The following PDE3B variants were observed in gnomAD, a reference collection of about 807,000 sequenced individuals.
PDE3B encodes phosphodiesterase 3B.
Under a neutral mutation model 116.8 loss-of-function variants are expected in PDE3B, and 66 were observed. The observed-to-expected ratio is 0.56, with a 90% CI of 0.46 to 0.69. The LOEUF (loss-of-function observed/expected upper bound fraction) is 0.69, where lower values mean the gene tolerates loss of function less well. PDE3B is among the 30% of genes least tolerant of loss of function. The pLI is 0.00. For synonymous variants in PDE3B, 595 were observed against 533.6 expected, an observed-to-expected ratio of 1.12 and a Z score of -1.59; for missense variants, 1,384 against 1,368.1, an observed-to-expected ratio of 1.01 and a Z score of -0.18.
rs1853288675 is a variant in PDE3B, at chr11:14,644,177, C to G, written c.102C>G (p.Ser34Arg). The stretch of plus-strand genomic sequence containing the variant: ...GTCTGAGGAACGGCTACGTGAAGAG[C>G]TGCGTGAGCCCCTTGCGGCAGGACC... ...PESLRNGYVK[S>R]CVSPLRQDPP... is the part of the protein sequence containing the mutation. Residue 34 changes from serine (S) to arginine (R), a missense_variant, in exon 1 of 16, where the codon AGC becomes AGG. By Grantham distance (110) the Ser-to-Arg change is moderately radical. Transcript: ENST00000282096. 2 of 1,596,684 alleles carry G rather than the reference C, an allele frequency of 1.3e-6. No individual in the cohort carries two copies. Among genetic ancestry groups the G allele is most frequent in the African/African-American group, 1.3e-5 (1 of 74,142 alleles).
intron 1 of PDE3B, among the ~76,000 whole-genome samples, chr11:14,716,066 C>T (rs911181880): frequency 1.3e-5 from 2 of 152,042 alleles, no homozygotes; most frequent in African/African-American, 2.4e-5. Context: ...GGTGTGCGCA[C>T]CGTGCGCGAG....
chr11:14,837,338 G>T (rs151241012), intron 11 of PDE3B, among the ~76,000 whole-genome samples: 1 of 152,134 alleles, frequency 6.6e-6, no homozygotes, highest in African/African-American at 2.4e-5. Context: ...CTTTGCTTAC[G>T]AGTTCTCCCC....
chr11:14,649,196 C>G (rs1243932398), intron 1 of PDE3B, among the ~76,000 whole-genome samples: 1 of 152,116 alleles, frequency 6.6e-6, no homozygotes, highest in South Asian at 2.1e-4. Context: ...CATTCTTTCT[C>G]TTTTCCCTTT....
chr11:14,650,074 C>G (rs1360477995), intron 1 of PDE3B, among the ~76,000 whole-genome samples: 6 of 151,738 alleles, frequency 4.0e-5, no homozygotes, highest in Non-Finnish European at 5.9e-5. Flanking sequence ...TCTTTTACAA[C>G]CAACAACTTT....
At chr11:14,745,921 T>G (rs1453618019) in intron 1 of PDE3B, among the ~76,000 whole-genome samples, 1 of 152,214 alleles carries the variant, frequency 6.6e-6, no homozygotes, top group East Asian at 1.9e-4. Flanking sequence ...TGATTCAGAT[T>G]CAGGTCCCTA....
At chr11:14,724,927 G>A (rs1856236894) in intron 1 of PDE3B, among the ~76,000 whole-genome samples, 1 of 152,182 alleles carries the variant, frequency 6.6e-6, no homozygotes, top group Non-Finnish European at 1.5e-5. Flanking sequence ...ATGGAATCCA[G>A]GGATATAGCA....
chr11:14,818,348 A>T lies in PDE3B; in HGVS notation c.1688A>T (p.Asp563Val). 3 of 1,613,522 alleles carry T rather than the reference A, an allele frequency of 1.9e-6. No individual in the cohort carries two copies. The highest frequency in any genetic ancestry group is 2.5e-6 in the Non-Finnish European group (3 of 1,179,526). Residue 563 changes from aspartate (D) to valine (V), a missense_variant, in exon 6 of 16, where the codon GAT (aspartate) becomes GTT (valine). Transcript: ENST00000282096. ...CTGGGCAATGCACCTAATACTCCAG[A>T]TTTTTATCAGCAACTTAGAAATTCT... ...RSLGNAPNTP[D>V]FYQQLRNSDS...
chr11:14,793,974 A>G lies in PDE3B; in HGVS notation c.1415+4732A>G, dbSNP rs578008670. Among the ~76,000 whole-genome samples, 81 of 152,352 alleles carry G rather than the reference A, an allele frequency of 5.3e-4. 1 individual carries two copies. The highest frequency in any genetic ancestry group is 1.9e-3 in the African/African-American group (80 of 41,576). Reference sequence around the variant, plus strand: ...TAACTCTGTAAATTTAGACATCTACAGTTATCAAGTTTATACAACTGCATT... The same window carrying G: ...TAACTCTGTAAATTTAGACATCTACGGTTATCAAGTTTATACAACTGCATT... On this transcript the variant is annotated intron_variant, in intron 4 of 15. Transcript: ENST00000282096.
At chr11:14,890,647 C>T in the PDE3B span, 5 of 216,064 alleles carry the variant, frequency 2.3e-5, no homozygotes, top group Non-Finnish European at 3.8e-5. Context: ...CCCGGGTTCA[C>T]GCCATTCTCC....
intron 1 of PDE3B, among the ~76,000 whole-genome samples, chr11:14,736,234 T>G (rs924132075): frequency 6.6e-6 from 1 of 151,300 alleles, no homozygotes; most frequent in East Asian, 1.9e-4. Flanking sequence ...ACAAAATGAG[T>G]AAAGGATGCA....
intron 1 of PDE3B, among the ~76,000 whole-genome samples, chr11:14,687,729 G>C (rs1854917353): frequency 6.6e-6 from 1 of 152,048 alleles, no homozygotes; most frequent in South Asian, 2.1e-4. Flanking sequence ...TGTTTTAGTT[G>C]CCTATCAGAT....
intron 12 of PDE3B, among the ~76,000 whole-genome samples, chr11:14,849,509 C>T (rs1847693475): frequency 6.6e-6 from 1 of 152,132 alleles, no homozygotes; most frequent in African/African-American, 2.4e-5. Flanking sequence ...AACTCAAGAG[C>T]TTCTGCACAG....
At chr11:14,813,688 G>A (rs1454754499) in intron 5 of PDE3B, among the ~76,000 whole-genome samples, 4 of 152,128 alleles carry the variant, frequency 2.6e-5, no homozygotes, top group East Asian at 3.9e-4. Context: ...GGACATCTTT[G>A]GGGGTGATTA....
rs187548303 is a variant in PDE3B, at chr11:14,854,805, G to A, written c.2521-4238G>A. Among the ~76,000 whole-genome samples the A allele has an allele frequency of 9.5e-4, 145 of 152,154 alleles. No individual in the cohort carries two copies. The Middle Eastern group carries it at 0.014, about 14-fold the overall frequency. ...GCTGGGATTACAGGCGTGAGCCACC[G>A]CACCCAGTTTAAAATTCATTTTTCT... is the stretch of plus-strand genomic sequence containing the variant. On this transcript the variant is annotated intron_variant, in intron 12 of 15. Transcript: ENST00000282096.
At chr11:14,648,624 T>C (rs1454239101) in intron 1 of PDE3B, among the ~76,000 whole-genome samples, 1 of 152,176 alleles carries the variant, frequency 6.6e-6, no homozygotes, top group Non-Finnish European at 1.5e-5. Context: ...AGTATTATTT[T>C]TCAAAAACAC....
chr11:14,831,996 G>A (rs1256138405), intron 9 of PDE3B, among the ~76,000 whole-genome samples: 2 of 151,874 alleles, frequency 1.3e-5, no homozygotes, highest in Non-Finnish European at 2.9e-5. Flanking sequence ...CCATATTAAT[G>A]GGATTTAATT....
rs11023303 is a variant in PDE3B at position 14,675,189 on chromosome 11, A to C, written c.978+30136A>C. On this transcript the variant is annotated intron_variant, in intron 1 of 15. Coordinates refer to ENST00000282096, the MANE Select transcript of PDE3B (RefSeq NM_000922.4). ...GCTGCTTTAGAACCTTTTAGGCCTT[A>C]AGTCAGTGTTTCTGTTTTCAGGACT... Among the ~76,000 whole-genome samples the C allele has an allele frequency of 4.3e-3, 660 of 152,254 alleles. 33 individuals carry two copies. In the East Asian group the frequency reaches 0.11, roughly 25 times the overall value.
In PDE3B at chr11:14,659,187, T is replaced by A. The variant is rs576161539; in HGVS notation, c.978+14134T>A. Among the ~76,000 whole-genome samples, 6 of 152,286 alleles carry A rather than the reference T, an allele frequency of 3.9e-5. No homozygotes were observed. The South Asian group carries it at 6.2e-4, about 16-fold the overall frequency. ...GAATGGAAACTAATGCAGGACATTG[T>A]GTGCAGGAGTTGCCTCTAAAATAAA... On this transcript the variant is annotated intron_variant, in intron 1 of 15. Coordinates refer to ENST00000282096, the MANE Select transcript of PDE3B (RefSeq NM_000922.4).
At chr11:14,749,973 A>G (rs1857016294) in intron 1 of PDE3B, among the ~76,000 whole-genome samples, 1 of 139,746 alleles carries the variant, frequency 7.2e-6, no homozygotes, top group African/African-American at 2.7e-5. Flanking sequence ...GAGACCTTGG[A>G]GAGCCAGTAG....
Sources: gnomAD v4.1 joint callset for allele counts (sites outside exome capture counted in the v4.1 genomes callset) on GRCh38, gnomAD v4.1.1 for gene constraint, MANE v1.5 for transcripts, NCBI Gene and HGNC (gene_info 2026-07-23, HGNC 2026-07-21) for gene names.